The following NADK2 variants were observed in gnomAD, a reference collection of about 807,000 sequenced individuals.
NADK2 encodes the protein NAD kinase 2, mitochondrial.
Under a neutral mutation model 62.1 loss-of-function variants are expected in NADK2, and 35 were observed. The ratio of observed to expected loss-of-function variants is 0.56; its 90% CI spans 0.43 to 0.75. The LOEUF is 0.75. Ranked by LOEUF, NADK2 falls within the 30% of genes least tolerant of loss-of-function variation. The probability of loss-of-function intolerance (pLI) is 0.00; values close to 1 mark genes in which losing one functional copy is unlikely to be tolerated. For missense variants in NADK2, 439 were observed against 561.3 expected (o/e 0.78, Z 2.20); for synonymous variants, 205 against 207.9 (o/e 0.99, Z 0.12).
chr5:36,197,603 A>G lies in NADK2; in HGVS notation c.1128T>C (p.Ser376=), dbSNP rs1746278713. 1.2e-6 allele frequency: 2 copies of G among 1,611,624 alleles called. No individual in the cohort carries two copies. Among genetic ancestry groups the G allele is most frequent in the African/African-American group, 1.3e-5 (1 of 74,772 alleles). ...YSPEEPKILF[S]IREPIANRVF... ...CTCTATTTGCTATTGGTTCTCGAAT[A>G]CTGAAAAGTATTTTTGGTTCTTCCG... Residue 376 remains serine (S), a synonymous_variant, in exon 11 of 12, where the codon AGT becomes AGC. Transcript: ENST00000381937.
chr5:36,226,344 G>A lies in NADK2; in HGVS notation c.478+131C>T, dbSNP rs532729167. The A allele has an allele frequency of 3.7e-5, 23 of 621,656 alleles. 1 individual carries two copies. In the Admixed American group the frequency reaches 5.6e-4, roughly 15 times the overall value. The allele number at this position is 621,656 out of a possible 1,614,324, so 38.5% of individuals were successfully genotyped here. ...TAAAACAGAAGTTTTAAACTTGATC[G>A]TAACAATCCAAAAATGTGTTTAATG... On this transcript the variant is annotated intron_variant, in intron 3 of 11. Coordinates refer to ENST00000381937, the MANE Select transcript of NADK2 (RefSeq NM_001085411.3).
chr5:36,208,484 T>C, intron 7 of NADK2: 1 of 614,982 alleles, frequency 1.6e-6, no homozygotes, highest in Non-Finnish European at 2.8e-6. Context: ...GAAAGACAAG[T>C]ACAGTCAGGT....
chr5:36,226,368 T>G (rs1376240784), intron 3 of NADK2, 107 bp downstream of exon 3: 2 of 758,170 alleles, frequency 2.6e-6, no homozygotes, highest in Non-Finnish European at 4.3e-6. Flanking sequence ...ATGTGTTTAA[T>G]GGTAAGACTC....
At chr5:36,236,829 G>C (rs1243104792) in intron 1 of NADK2, among the ~76,000 whole-genome samples, 2 of 146,250 alleles carry the variant, frequency 1.4e-5, no homozygotes, top group African/African-American at 5.2e-5. Flanking sequence ...AGGTTACCAA[G>C]GATGGCATCC....
chr5:36,218,793 T>A (rs114405903), intron 5 of NADK2, among the ~76,000 whole-genome samples: 2,347 of 152,198 alleles, frequency 0.015, 30 homozygotes, highest in Non-Finnish European at 0.024. Flanking sequence ...AAAAATCCCA[T>A]CCCCACTGCT....
intron 8 of NADK2, among the ~76,000 whole-genome samples, chr5:36,203,349 C>G (rs1360656368): frequency 6.6e-6 from 1 of 152,080 alleles, no homozygotes; most frequent in Non-Finnish European, 1.5e-5. Flanking sequence ...GCCCCTCTGG[C>G]TCCTCGGCTT....
At chr5:36,212,521 A>C (rs1746888487) in intron 6 of NADK2, among the ~76,000 whole-genome samples, 1 of 152,206 alleles carries the variant, frequency 6.6e-6, no homozygotes, top group Non-Finnish European at 1.5e-5. Flanking sequence ...TTACTTAAAC[A>C]TTACACCATC....
chr5:36,203,429 G>C (rs546158247), intron 8 of NADK2, among the ~76,000 whole-genome samples: 2 of 152,192 alleles, frequency 1.3e-5, no homozygotes, highest in African/African-American at 4.8e-5. Flanking sequence ...CATAGCAAAA[G>C]AATCATCAGT....
intron 11 of NADK2, among the ~76,000 whole-genome samples, chr5:36,196,802 A>G (rs1404893936): frequency 6.6e-6 from 1 of 152,142 alleles, no homozygotes; most frequent in African/African-American, 2.4e-5. Flanking sequence ...ACATCTGTGG[A>G]TTAATCAAAT....
intron 1 of NADK2, among the ~76,000 whole-genome samples, chr5:36,234,328 G>A (rs1252546484): frequency 2.9e-5 from 4 of 137,954 alleles, no homozygotes; most frequent in Non-Finnish European, 4.5e-5. Flanking sequence ...AGTCGAGATC[G>A]CGCCACTGCA....
chr5:36,242,021 G>A, upstream of NADK2: 2 of 243,100 alleles, frequency 8.2e-6, no homozygotes, highest in Middle Eastern at 1.3e-3. Context: ...ACCCCACGCG[G>A]GAGAAAGGTG....
In NADK2 at chr5:36,226,518, A is replaced by G. The variant is rs1284668975; in HGVS notation, c.435T>C (p.Asp145=). 3.1e-6 allele frequency: 5 copies of G among 1,613,026 alleles called. No homozygotes were observed. The highest frequency in any genetic ancestry group is 3.4e-6 in the Non-Finnish European group (4 of 1,179,554). The stretch of plus-strand genomic sequence containing the variant: ...CATCTGCCCATCGAACAGTCTCTTC[A>G]TCATATTCTCTCCTCTTTACTAGAC... ...EVRLVKRREY[D]EETVRWADAV... Residue 145 remains aspartate (D), a synonymous_variant, in exon 3 of 12, where the codon GAT becomes GAC. Transcript: ENST00000381937.
At chr5:36,225,871 T>G (rs968046886) in intron 3 of NADK2, among the ~76,000 whole-genome samples, 8 of 152,236 alleles carry the variant, frequency 5.3e-5, no homozygotes, top group Non-Finnish European at 1.0e-4. Flanking sequence ...TAGAATGTTT[T>G]AGAGGTAGTC....
intron 4 of NADK2, among the ~76,000 whole-genome samples, chr5:36,222,974 T>C (rs577809410): frequency 5.3e-5 from 8 of 152,220 alleles, no homozygotes; most frequent in Admixed American, 2.0e-4. Context: ...GAGGCCAGTG[T>C]GGCTAGAATA....
rs754695065 is a variant in NADK2, at chr5:36,217,768, A to T, written c.761T>A (p.Ile254Asn). 1 of 1,613,884 alleles carries T rather than the reference A, an allele frequency of 6.2e-7. No individual in the cohort carries two copies. The highest frequency in any genetic ancestry group is 8.5e-7 in the Non-Finnish European group (1 of 1,179,852). The change falls in exon 6 of 12, where the codon ATT becomes AAT. Residue 254 changes from isoleucine to asparagine, a missense_variant. By Grantham distance (149) the Ile-to-Asn change is moderately radical. Coordinates refer to ENST00000381937, the MANE Select transcript of NADK2 (RefSeq NM_001085411.3). ...SLNQHNRALN[I>N]ERAHDERSEA... ...CCTACTTTCATCATGAGCTCTTTCAATGTTAAGGGCTCTATTGTGCTGATT... is the reference window on the plus strand; with the variant it reads ...CCTACTTTCATCATGAGCTCTTTCATTGTTAAGGGCTCTATTGTGCTGATT...
intron 3 of NADK2, among the ~76,000 whole-genome samples, chr5:36,225,999 A>C (rs574606846): frequency 1.3e-5 from 2 of 152,340 alleles, no homozygotes; most frequent in East Asian, 3.9e-4. Flanking sequence ...AATTATTTTA[A>C]TAAAAACATA....
At chr5:36,195,660 G>A (rs2112045851) in intron 11 of NADK2, among the ~76,000 whole-genome samples, 1 of 152,108 alleles carries the variant, frequency 6.6e-6, no homozygotes, top group South Asian at 2.1e-4. Flanking sequence ...GAAGAGTTGG[G>A]TACATGTAAT....
At position 36,227,565 on chromosome 5, in the gene NADK2, G is replaced by A; in HGVS notation, c.301C>T (p.Leu101Phe). The stretch of plus-strand genomic sequence containing the variant: ...CTGTAACTAGAGCCTTTCAATGCAA[G>A]CTATATCAAAACAAAAGAAACGTTG... ...ELSEEDLKQL[L>F]ALKGSSYSGL... is the part of the protein sequence containing the mutation. The change falls in exon 2 of 12, where the codon CTT becomes TTT. Residue 101 changes from leucine to phenylalanine, a missense_variant and splice_region_variant. Transcript: ENST00000381937. The A allele has an allele frequency of 6.6e-7, 1 of 1,510,384 alleles. No individual in the cohort carries two copies. 93.6% of individuals were successfully genotyped at this position (1,510,384 alleles called of 1,614,324 possible). A position where few individuals can be genotyped will look rare whatever the true frequency, so the allele number is the denominator to read the frequency against.
intron 11 of NADK2, 30 bp from the exon 12 acceptor site, chr5:36,195,312 G>C (rs1579590617): frequency 1.3e-6 from 2 of 1,566,616 alleles, no homozygotes; most frequent in East Asian, 4.6e-5. Context: ...TCATTAAATA[G>C]TAATAGTTTT....
Sources: allele counts gnomAD v4.1 joint callset (sites outside exome capture counted in the v4.1 genomes callset), GRCh38; gene constraint gnomAD v4.1.1; transcripts MANE v1.5; gene names NCBI Gene and HGNC (gene_info 2026-07-23, HGNC 2026-07-21).